The following TNIK variants were observed in gnomAD, a reference collection of about 807,000 sequenced individuals.
TNIK encodes TRAF2 and NCK interacting kinase.
TNIK carries 49 observed loss-of-function variants against 191.3 expected under a neutral mutation model. The ratio of observed to expected loss-of-function variants is 0.26; its 90% confidence interval spans 0.20 to 0.32. The LOEUF is 0.32. Ranked by LOEUF, TNIK falls within the 10% of genes least tolerant of loss-of-function variation. The probability of loss-of-function intolerance (pLI) is 1.00; values close to 1 mark genes in which losing one functional copy is unlikely to be tolerated. For missense variants in TNIK, 1,155 were observed against 1,702.3 expected (o/e 0.68, Z 5.66); for synonymous variants, 594 against 600.9 (o/e 0.99, Z 0.17).
intron 22 of TNIK, among the ~76,000 whole-genome samples, chr3:171,094,656 A>G (rs1722489711): frequency 6.6e-6 from 1 of 152,094 alleles, no homozygotes; most frequent in South Asian, 2.1e-4. Context: ...CTGCTTTTAC[A>G]CATGCTGTTC....
chr3:171,273,670 T>C lies in TNIK; in HGVS notation c.124-45449A>G, dbSNP rs186997563. On this transcript the variant is annotated intron_variant, in intron 2 of 32. Coordinates refer to ENST00000436636, the MANE Select transcript of TNIK (RefSeq NM_015028.4). ...TCTCCACAGCCTATAGCTTAATAAC[T>C]TTTTAACTCTGAGAGTCTCAAAACT... is the stretch of plus-strand genomic sequence containing the variant. Among the ~76,000 whole-genome samples, 275 of 152,298 alleles carry C rather than the reference T, an allele frequency of 1.8e-3. 2 individuals are homozygous for C. Among genetic ancestry groups the C allele is most frequent in the Non-Finnish European group, 6.2e-4 (42 of 68,030 alleles).
intron 18 of TNIK, among the ~76,000 whole-genome samples, chr3:171,114,008 A>G (rs904487611): frequency 2.0e-5 from 3 of 151,804 alleles, no homozygotes; most frequent in Non-Finnish European, 4.4e-5. Flanking sequence ...TAAAAAAAAA[A>G]AAAAAAAAAG....
rs533378479 is a variant in TNIK, at chr3:171,277,013, G to C, written c.124-48792C>G. ...AATCTCCCATGCAACACTGTTGAGA[G>C]GTGGAAGCTTTAAGAAATGATTAGG... On this transcript the variant is annotated intron_variant, in intron 2 of 32. Transcript: ENST00000436636. 1.8e-4 allele frequency among the ~76,000 whole-genome samples: 27 copies of C among 152,304 alleles called. No homozygotes were observed. The South Asian group carries it at 3.5e-3, about 20-fold the overall frequency.
chr3:171,376,344 T>C (rs1479350662), intron 1 of TNIK, among the ~76,000 whole-genome samples: 1 of 152,204 alleles, frequency 6.6e-6, no homozygotes, highest in African/African-American at 2.4e-5. Flanking sequence ...TTACTTTAAC[T>C]TCCCCTCTTC....
chr3:171,094,129 T>C (rs1026416090), intron 22 of TNIK, among the ~76,000 whole-genome samples, 161 bp from the exon 23 acceptor site: 2 of 152,014 alleles, frequency 1.3e-5, no homozygotes, highest in African/African-American at 4.8e-5. Context: ...CTTAAGTACA[T>C]CTCATATTAA....
intron 14 of TNIK, 55 bp downstream of exon 14, chr3:171,139,397 CACACACACACACACACAA>C: frequency 1.5e-6 from 2 of 1,343,822 alleles, no homozygotes; most frequent in African/African-American, 1.5e-5. Flanking sequence ...CACACACACA[CACACACACACACACACAA>C]ACACTTGCAA....
intron 12 of TNIK, among the ~76,000 whole-genome samples, chr3:171,156,855 G>A (rs1733248751): frequency 6.6e-6 from 1 of 152,198 alleles, no homozygotes; most frequent in South Asian, 2.1e-4. Flanking sequence ...TCAATAGGCA[G>A]GTCCTACTCT....
At chr3:171,099,763 T>TATTC (rs1723194956) in intron 22 of TNIK, among the ~76,000 whole-genome samples, 1 of 152,172 alleles carries the variant, frequency 6.6e-6, no homozygotes, top group Non-Finnish European at 1.5e-5. Context: ...AAGCGTGGTC[T>TATTC]ATTCAGGAAA....
chr3:171,126,089 G>C lies in TNIK; in HGVS notation c.1836C>G (p.His612Gln). 1 of 1,605,164 alleles carries C rather than the reference G, an allele frequency of 6.2e-7. No individual in the cohort carries two copies. The highest frequency in any genetic ancestry group is 8.5e-7 in the Non-Finnish European group (1 of 1,175,134). Residue 612 changes from histidine to glutamine, a missense_variant, in exon 17 of 33, where the codon CAC becomes CAG. Coordinates refer to ENST00000436636, the MANE Select transcript of TNIK (RefSeq NM_015028.4). ...CAGAGAGGCCCTTTGTGGGCTGCTC[G>C]TGCACTGACTGGGAGGCGGTCAAGG... is the stretch of plus-strand genomic sequence containing the variant. Reference protein sequence around the residue: ...GPALTASQSVHEQPTKGLSGF... With the variant: ...GPALTASQSVQEQPTKGLSGF...
chr3:171,298,371 A>G (rs978594741), intron 2 of TNIK, among the ~76,000 whole-genome samples: 4 of 152,228 alleles, frequency 2.6e-5, no homozygotes, highest in African/African-American at 7.2e-5. Flanking sequence ...ACTTAGCCAG[A>G]CTGATAGTTT....
chr3:171,268,490 A>G (rs1441589668), intron 2 of TNIK, among the ~76,000 whole-genome samples: 2 of 152,104 alleles, frequency 1.3e-5, no homozygotes, highest in Admixed American at 6.6e-5. Context: ...TGGTGTATTC[A>G]GAATTGAACC....
chr3:171,101,442 C>A lies in TNIK; in HGVS notation c.2591+7G>T. On this transcript the variant is annotated splice_region_variant and intron_variant, in intron 22 of 32. Coordinates refer to ENST00000436636, the MANE Select transcript of TNIK (RefSeq NM_015028.4). Reference sequence around the variant, plus strand: ...CCCGGTCTACACTTTAAAAGTAGTTCTCTTACATCAGTCTGGGTATGTCGC... The same window carrying A: ...CCCGGTCTACACTTTAAAAGTAGTTATCTTACATCAGTCTGGGTATGTCGC... 4 of 1,592,692 alleles carry A rather than the reference C, an allele frequency of 2.5e-6. No homozygotes were observed. The highest frequency in any genetic ancestry group is 3.4e-6 in the Non-Finnish European group (4 of 1,173,136).
intron 3 of TNIK, among the ~76,000 whole-genome samples, 185 bp from the exon 4 acceptor site, chr3:171,211,426 C>G (rs1029748023): frequency 2.6e-5 from 4 of 152,124 alleles, no homozygotes; most frequent in African/African-American, 7.2e-5. Flanking sequence ...AGAGACTCTT[C>G]TTTTTGTACA....
chr3:171,087,815 A>T (rs61791158), intron 23 of TNIK, among the ~76,000 whole-genome samples: 1 of 152,214 alleles, frequency 6.6e-6, no homozygotes, highest in African/African-American at 2.4e-5. Context: ...CAGGGCCCAC[A>T]CTTGTAAACT....
intron 1 of TNIK, among the ~76,000 whole-genome samples, chr3:171,432,455 GC>G (rs370856508): frequency 3.4e-3 from 514 of 152,266 alleles, no homozygotes; most frequent in Middle Eastern, 0.024. Flanking sequence ...TGAGTACTAA[GC>G]AAAATAACTG....
intron 23 of TNIK, 40 bp from the exon 24 acceptor site, chr3:171,087,546 GA>G (rs777160406): frequency 2.4e-5 from 38 of 1,600,284 alleles, no homozygotes; most frequent in Middle Eastern, 1.9e-4. Context: ...AGAGAGGGGG[GA>G]AAAAGGCCAC....
At chr3:171,408,636 G>C (rs913851660) in intron 1 of TNIK, among the ~76,000 whole-genome samples, 1 of 152,152 alleles carries the variant, frequency 6.6e-6, no homozygotes, top group Non-Finnish European at 1.5e-5. Context: ...AGATAAGCTT[G>C]TTTATGGGAC....
At chr3:171,190,392 A>C (rs1248543930) in intron 6 of TNIK, among the ~76,000 whole-genome samples, 1 of 152,216 alleles carries the variant, frequency 6.6e-6, no homozygotes, top group Non-Finnish European at 1.5e-5. Flanking sequence ...CAGTATAAAC[A>C]AACTGTAAGA....
At position 171,219,221 on chromosome 3, in the gene TNIK, T is replaced by G. The variant is rs1034762952; in HGVS notation, c.181-7980A>C. ...ACCCAGCAAACCCATTACTAAATTA[T>G]ATATATTATTATAATTATATGTAAT... On this transcript the variant is annotated intron_variant, in intron 3 of 32. Transcript: ENST00000436636. 1.6e-4 allele frequency among the ~76,000 whole-genome samples: 22 copies of G among 137,176 alleles called. No individual in the cohort carries two copies. In the East Asian group the frequency reaches 4.3e-3, roughly 27 times the overall value. 90.0% of individuals were successfully genotyped at this position (137,176 alleles called of 152,430 possible).
Sources: gnomAD v4.1 joint callset for allele counts (sites outside exome capture counted in the v4.1 genomes callset) on GRCh38, gnomAD v4.1.1 for gene constraint, MANE v1.5 for transcripts, NCBI Gene and HGNC (gene_info 2026-07-23, HGNC 2026-07-21) for gene names.